The following DNMT1 variants were observed in gnomAD, a reference collection of about 807,000 sequenced individuals.
DNMT1 encodes the protein DNA methyltransferase 1.
In DNMT1, 24 loss-of-function variants were observed where a neutral mutation model predicts 205.3. The ratio of observed to expected loss-of-function variants is 0.12; its 90% CI spans 0.08 to 0.16. The LOEUF (loss-of-function observed/expected upper bound fraction) is 0.16, where lower values mean the gene tolerates loss of function less well. DNMT1 is among the 10% of genes least tolerant of loss of function. DNMT1 has a pLI of 1.00. For missense variants in DNMT1, 1,293 were observed against 2,177.7 expected (o/e 0.59, Z 8.09); for synonymous variants, 817 against 839.8 (o/e 0.97, Z 0.47).
chr19:10,184,170 C>T (rs1338356793), intron 1 of DNMT1, among the ~76,000 whole-genome samples: 2 of 152,160 alleles, frequency 1.3e-5, no homozygotes, highest in South Asian at 2.1e-4. Context: ...ACAAGGTGTG[C>T]CACAGTATGG....
Position 10,160,073 on chromosome 19 carries a change from A to G in DNMT1, c.1044-10T>C, listed in dbSNP as rs761865657. ...CATTTTTTTCTCCGTTCTGGGGGAA[A>G]AAAAAAAATCACAAGATCGTTTGTT... On this transcript the variant is annotated splice_polypyrimidine_tract_variant and intron_variant, in intron 14 of 40. Transcript: ENST00000359526. The G allele has an allele frequency of 2.6e-5, 41 of 1,555,458 alleles. No individual in the cohort carries two copies. In the South Asian group the frequency reaches 4.6e-4, roughly 18 times the overall value.
intron 11 of DNMT1, among the ~76,000 whole-genome samples, chr19:10,164,421 G>C (rs958639687): frequency 6.6e-6 from 1 of 152,174 alleles, no homozygotes; most frequent in African/African-American, 2.4e-5. Context: ...GGGATTATAG[G>C]CGTGAGACAC....
intron 1 of DNMT1, among the ~76,000 whole-genome samples, chr19:10,193,279 G>A (rs1457707413): frequency 6.6e-6 from 1 of 152,106 alleles, no homozygotes; most frequent in East Asian, 1.9e-4. Context: ...CTTAAGCCCA[G>A]GAGTTCAAGG....
chr19:10,143,086 G>A (rs1568225589), intron 29 of DNMT1, among the ~76,000 whole-genome samples: 2 of 152,218 alleles, frequency 1.3e-5, no homozygotes. Flanking sequence ...AACGTAATAG[G>A]CCAAAAGCTT....
intron 17 of DNMT1, among the ~76,000 whole-genome samples, chr19:10,157,828 C>T (rs1024475225): frequency 3.3e-5 from 5 of 152,160 alleles, no homozygotes; most frequent in South Asian, 2.1e-4. Context: ...GAGGGGGTCC[C>T]GCTCCCCGCT....
chr19:10,142,226 A>G lies in DNMT1; in HGVS notation c.3117-6T>C, dbSNP rs201607174. The G allele has an allele frequency of 1.9e-6, 3 of 1,613,892 alleles. No homozygotes were observed. The highest frequency in any genetic ancestry group is 1.3e-5 in the African/African-American group (1 of 75,034). On this transcript the variant is annotated splice_region_variant and splice_polypyrimidine_tract_variant and intron_variant, in intron 29 of 40. Transcript: ENST00000359526. ...ACTTGTGGGTGTTCTCAGGCCTGCG[A>G]GCGGGAGAGGCCTCGTTAGGAGCTC...
chr19:10,159,144 G>C lies in DNMT1; in HGVS notation c.1280+514C>G, dbSNP rs749887732. Reference sequence around the variant, plus strand: ...CCCTCAGGATGTGGGCAGAATGGAGGGGTAATATGTGTAGTGTAAAAACCC... The same window carrying C: ...CCCTCAGGATGTGGGCAGAATGGAGCGGTAATATGTGTAGTGTAAAAACCC... On this transcript the variant is annotated intron_variant, in intron 17 of 40. Transcript: ENST00000359526. The surrounding 1 kb of genome is among the most constrained non-coding windows in gnomAD (Gnocchi z 5.0). 3.9e-5 allele frequency among the ~76,000 whole-genome samples: 6 copies of C among 152,094 alleles called. No individual in the cohort carries two copies. Among genetic ancestry groups the C allele is most frequent in the Admixed American group, 3.9e-4 (6 of 15,254 alleles).
Position 10,142,228 on chromosome 19 carries a change from C to A in DNMT1, c.3117-8G>T. The A allele has an allele frequency of 6.2e-7, 1 of 1,613,798 alleles. No homozygotes were observed. Among genetic ancestry groups the A allele is most frequent in the East Asian group, 2.2e-5 (1 of 44,874 alleles). ...TTGTGGGTGTTCTCAGGCCTGCGAG[C>A]GGGAGAGGCCTCGTTAGGAGCTCTC... On this transcript the variant is annotated splice_region_variant and splice_polypyrimidine_tract_variant and intron_variant, in intron 29 of 40. Transcript: ENST00000359526.
rs2089461177 is a variant in DNMT1 at position 10,135,566 on chromosome 19, A to G, written c.4773+170T>C. 3 of 695,426 alleles carry G rather than the reference A, an allele frequency of 4.3e-6. No individual in the cohort carries two copies. The East Asian group carries it at 8.2e-5, about 19-fold the overall frequency. 43.1% of individuals were successfully genotyped at this position (695,426 alleles called of 1,614,324 possible). On this transcript the variant is annotated intron_variant, in intron 39 of 40. Transcript: ENST00000359526. ...AGCATAGGGACGCAGCCTGACTCGGATGTCTCAGCACTGTCCCTCCTGTGG... is the reference window on the plus strand; with the variant it reads ...AGCATAGGGACGCAGCCTGACTCGGGTGTCTCAGCACTGTCCCTCCTGTGG...
chr19:10,164,895 G>C (rs2038651839), intron 11 of DNMT1, among the ~76,000 whole-genome samples: 1 of 107,274 alleles, frequency 9.3e-6, no homozygotes, highest in African/African-American at 3.6e-5. Flanking sequence ...ACCATTGCAT[G>C]ACAGAGAGAG....
intron 11 of DNMT1, 143 bp downstream of exon 11, chr19:10,166,455 C>A (rs1466085476): frequency 1.2e-5 from 12 of 977,636 alleles, no homozygotes; most frequent in Admixed American, 2.0e-5. Context: ...GAAAAGGTGA[C>A]CTTCCCAGAG....
Position 10,137,582 on chromosome 19 carries a change from G to A in DNMT1, c.4293+250C>T. 1 of 653,542 alleles carries A rather than the reference G, an allele frequency of 1.5e-6. No homozygotes were observed. The highest frequency in any genetic ancestry group is 2.6e-6 in the Non-Finnish European group (1 of 380,020). The allele number at this position is 653,542 out of a possible 1,614,324, so 40.5% of individuals were successfully genotyped here. A position where few individuals can be genotyped will look rare whatever the true frequency, so the allele number is the denominator to read the frequency against. The stretch of plus-strand genomic sequence containing the variant: ...CTGGGAAAACATGCGGGGAGAGGCA[G>A]CAAGGGGGAAGGCAGTGGTGGGTGG... On this transcript the variant is annotated intron_variant, in intron 36 of 40. Coordinates refer to ENST00000359526, the MANE Select transcript of DNMT1 (RefSeq NM_001130823.3). This position sits in a 1 kb window ranked among gnomAD's most constrained non-coding sequence, Gnocchi z 6.4.
rs957253823 is a variant in DNMT1 at position 10,159,405 on chromosome 19, C to T, written c.1280+253G>A. Among the ~76,000 whole-genome samples the T allele has an allele frequency of 6.6e-6, 1 of 152,122 alleles. No individual in the cohort carries two copies. Among genetic ancestry groups the T allele is most frequent in the Non-Finnish European group, 1.5e-5 (1 of 68,018 alleles). On this transcript the variant is annotated intron_variant, in intron 17 of 40. Coordinates refer to ENST00000359526, the MANE Select transcript of DNMT1 (RefSeq NM_001130823.3). This position sits in a 1 kb window ranked among gnomAD's most constrained non-coding sequence, Gnocchi z 5.0. The stretch of plus-strand genomic sequence containing the variant: ...TACTTTTTGTATTTTCGGTAGGTTT[C>T]GCCATGTTGGCCAGGCTGGTCTCGA...
rs757728027 is a variant in DNMT1 at position 10,163,298 on chromosome 19, C to G, written c.926+28G>C. 3 of 1,613,198 alleles carry G rather than the reference C, an allele frequency of 1.9e-6. No homozygotes were observed. In the African/African-American group the frequency reaches 4.0e-5, roughly 22 times the overall value. ...AGGCTTTCTACTGATCCAGATGACA[C>G]AAAAGCACAAGCATTTTAAACACTT... On this transcript the variant is annotated intron_variant, in intron 12 of 40. Coordinates refer to ENST00000359526, the MANE Select transcript of DNMT1 (RefSeq NM_001130823.3).
chr19:10,135,604 C>T (rs758307757), intron 39 of DNMT1, 132 bp downstream of exon 39: 4 of 936,740 alleles, frequency 4.3e-6, no homozygotes. Context: ...CGTCTTCCCA[C>T]TGAGAGTGAT....
intron 1 of DNMT1, among the ~76,000 whole-genome samples, chr19:10,190,765 AAAAATAAAATAAAATAAAAT>A (rs71188886): frequency 0.11 from 15,267 of 134,428 alleles, 1,153 homozygotes; most frequent in Middle Eastern, 0.23. Flanking sequence ...ACTCTGTCTC[AAAAATAAAATAAAATAAAAT>A]AAAATAAAAT....
intron 22 of DNMT1, among the ~76,000 whole-genome samples, chr19:10,153,924 G>A (rs1341352434): frequency 6.6e-6 from 1 of 152,132 alleles, no homozygotes; most frequent in African/African-American, 2.4e-5. Flanking sequence ...AGAAAGGGAC[G>A]CCTCCTGAGG....
intron 30 of DNMT1, 73 bp from the exon 31 acceptor site, chr19:10,141,262 G>A: frequency 2.7e-6 from 4 of 1,496,994 alleles, no homozygotes; most frequent in Non-Finnish European, 3.7e-6. Context: ...CTAGTAAGAA[G>A]GCAATTTGAT....
At chr19:10,169,123 C>A (rs952497996) in intron 9 of DNMT1, among the ~76,000 whole-genome samples, 1 of 152,080 alleles carries the variant, frequency 6.6e-6, no homozygotes, top group African/African-American at 2.4e-5. Context: ...AGCCACCATG[C>A]CCAGCCTGAG....
Sources: gnomAD v4.1 joint callset for allele counts (sites outside exome capture counted in the v4.1 genomes callset) on GRCh38, gnomAD v4.1.1 for gene constraint, Gnocchi (gnomAD v3.1) non-coding constraint, MANE v1.5 for transcripts, NCBI Gene and HGNC (gene_info 2026-07-23, HGNC 2026-07-21) for gene names.